Variants in IQGAP2 observed in about 807,000 individuals in gnomAD.
IQGAP2 encodes IQ motif containing GTPase activating protein 2.
In IQGAP2, 173 loss-of-function variants were observed where a neutral mutation model predicts 201.3. The observed-to-expected ratio is 0.86, with a 90% CI of 0.76 to 0.98. The LOEUF is 0.98. IQGAP2 is among the 50% of genes least tolerant of loss of function. The pLI is 0.00. For missense variants in IQGAP2, 1,687 were observed against 1,864.8 expected, an observed-to-expected ratio of 0.90 and a Z score of 1.76; for synonymous variants, 675 against 673.9, an observed-to-expected ratio of 1.00 and a Z score of -0.03.
chr5:76,566,636 T>C (rs1744769810), intron 3 of IQGAP2, among the ~76,000 whole-genome samples: 1 of 152,040 alleles, frequency 6.6e-6, no homozygotes, highest in Non-Finnish European at 1.5e-5. Context: ...GTTGCTGCTA[T>C]ACAGAGAACA....
rs1184239848 is a variant in IQGAP2, at chr5:76,496,769, C to CT, written c.146+35103dup. The stretch of plus-strand genomic sequence containing the variant: ...TCTTTCTTTCTTTCTTTCTTTCTTT[C>CT]TTTCTTTCTTTCTTTCTTTCTTTCT... On this transcript the variant is annotated intron_variant, in intron 2 of 35. Transcript: ENST00000274364. Among the ~76,000 whole-genome samples, 145 of 72,868 alleles carry CT rather than the reference C, an allele frequency of 2.0e-3. 3 individuals carry two copies. The highest frequency in any genetic ancestry group is 2.8e-3 in the Non-Finnish European group (104 of 36,624). 47.8% of individuals were successfully genotyped at this position (72,868 alleles called of 152,430 possible).
chr5:76,462,029 T>G (rs1754486562), intron 2 of IQGAP2, among the ~76,000 whole-genome samples: 1 of 152,132 alleles, frequency 6.6e-6, no homozygotes, highest in Non-Finnish European at 1.5e-5. Flanking sequence ...TTGCAAATGG[T>G]TGGGCAGAGT....
At chr5:76,654,893 T>G in intron 19 of IQGAP2, 41 bp from the exon 20 acceptor site, 2 of 1,311,684 alleles carry the variant, frequency 1.5e-6, no homozygotes, top group Non-Finnish European at 2.2e-6. Context: ...ATGGAGTAGG[T>G]GGGACTCTGG....
chr5:76,583,516 TAAATGAGATTTTTTGATATATGC>T (rs1378335049), intron 5 of IQGAP2, among the ~76,000 whole-genome samples: 2 of 152,184 alleles, frequency 1.3e-5, no homozygotes, highest in Non-Finnish European at 2.9e-5. Flanking sequence ...AATTTTTTAG[TAAATGAGATTTTTTGATATATGC>T]AAATGAGATC....
intron 11 of IQGAP2, 61 bp from the exon 12 acceptor site, chr5:76,606,118 A>C: frequency 1.4e-6 from 2 of 1,449,160 alleles, no homozygotes; most frequent in Non-Finnish European, 9.3e-7. Flanking sequence ...ATAGTTGAGA[A>C]ACAACAGGAA....
chr5:76,506,030 G>T (rs1350969271), intron 2 of IQGAP2, among the ~76,000 whole-genome samples: 1 of 152,176 alleles, frequency 6.6e-6, no homozygotes, highest in East Asian at 1.9e-4. Flanking sequence ...GGTTTAAGAA[G>T]AGACACACCC....
intron 21 of IQGAP2, among the ~76,000 whole-genome samples, chr5:76,662,062 G>A (rs1743296894): frequency 6.6e-6 from 1 of 152,168 alleles, no homozygotes; most frequent in African/African-American, 2.4e-5. Context: ...ATCTGCCCCT[G>A]TTTGTTATCC....
chr5:76,410,811 G>A (rs1751066244), intron 1 of IQGAP2, among the ~76,000 whole-genome samples: 1 of 152,206 alleles, frequency 6.6e-6, no homozygotes, highest in Admixed American at 6.5e-5. Context: ...ATTGAAGAAT[G>A]ACTTAGACTG....
chr5:76,503,327 T>A (rs973810254), intron 2 of IQGAP2, among the ~76,000 whole-genome samples: 1 of 150,864 alleles, frequency 6.6e-6, no homozygotes, highest in Non-Finnish European at 1.5e-5. Flanking sequence ...GTGCCTGCCA[T>A]CACACCTGGC....
At chr5:76,447,266 A>T (rs879761212) in intron 1 of IQGAP2, among the ~76,000 whole-genome samples, 5 of 152,148 alleles carry the variant, frequency 3.3e-5, no homozygotes, top group Non-Finnish European at 7.3e-5. Context: ...CTCACACTCG[A>T]CCAGTCAGGT....
chr5:76,651,600 C>CA (rs1433340612), intron 17 of IQGAP2, among the ~76,000 whole-genome samples: 17 of 151,948 alleles, frequency 1.1e-4, no homozygotes, highest in Non-Finnish European at 2.5e-4. Flanking sequence ...GACCCTGTCT[C>CA]AAAAAATAAT....
At chr5:76,606,126 G>A in intron 11 of IQGAP2, 53 bp from the exon 12 acceptor site, 1 of 1,492,542 alleles carries the variant, frequency 6.7e-7, no homozygotes, top group Non-Finnish European at 9.1e-7. Flanking sequence ...GAAACAACAG[G>A]AACGAAGAAT....
intron 2 of IQGAP2, among the ~76,000 whole-genome samples, chr5:76,561,916 G>A (rs1031255831): frequency 6.6e-6 from 1 of 152,114 alleles, no homozygotes; most frequent in Non-Finnish European, 1.5e-5. Flanking sequence ...CCTTTTCCAT[G>A]CCTTCCTACC....
At chr5:76,421,085 A>C (rs1355037689) in intron 1 of IQGAP2, among the ~76,000 whole-genome samples, 1 of 152,204 alleles carries the variant, frequency 6.6e-6, no homozygotes, top group Admixed American at 6.5e-5. Flanking sequence ...GTATATACCC[A>C]GAAGTGGGAT....
At chr5:76,488,376 A>T (rs980127292) in intron 2 of IQGAP2, among the ~76,000 whole-genome samples, 12 of 152,214 alleles carry the variant, frequency 7.9e-5, no homozygotes, top group East Asian at 1.9e-4. Flanking sequence ...TTCTTTTTTT[A>T]AAAAAATTAT....
intron 2 of IQGAP2, among the ~76,000 whole-genome samples, chr5:76,553,743 T>C (rs1743721232): frequency 6.6e-6 from 1 of 152,184 alleles, no homozygotes; most frequent in Non-Finnish European, 1.5e-5. Context: ...TAGCAACCCA[T>C]AAGATGCTCA....
At chr5:76,677,077 G>GA (rs1744883116) in intron 27 of IQGAP2, 141 bp from the exon 28 acceptor site, 1 of 743,304 alleles carries the variant, frequency 1.3e-6, no homozygotes, top group African/African-American at 1.8e-5. Context: ...GAGCCAGCCT[G>GA]GAAGAAGCTG....
chr5:76,491,764 G>A (rs188114804), intron 2 of IQGAP2, among the ~76,000 whole-genome samples: 1 of 152,264 alleles, frequency 6.6e-6, no homozygotes, highest in East Asian at 1.9e-4. Context: ...TCCAGGCAAA[G>A]CAAGTACCCT....
At position 76,674,518 on chromosome 5, in the gene IQGAP2, C is replaced by T; in HGVS notation, c.3336C>T (p.Ala1112=). The change falls in exon 27 of 36, where the codon GCC becomes GCT. Residue 1112 remains alanine (A), a synonymous_variant. Coordinates refer to ENST00000274364, the MANE Select transcript of IQGAP2 (RefSeq NM_006633.5). ...NLLYYRYMNP[A]IVAPDGFDII... ...TGTACTATCGGTACATGAATCCAGC[C>T]ATTGTAGCTCCAGATGGCTTTGATA... 6.2e-7 allele frequency: 1 copy of T among 1,614,048 alleles called. No individual in the cohort carries two copies. Among genetic ancestry groups the T allele is most frequent in the Admixed American group, 1.7e-5 (1 of 60,010 alleles).
Sources: gnomAD v4.1 joint callset for allele counts (sites outside exome capture counted in the v4.1 genomes callset) on GRCh38, gnomAD v4.1.1 for gene constraint, MANE v1.5 for transcripts, NCBI Gene and HGNC (gene_info 2026-07-23, HGNC 2026-07-21) for gene names.